NEK1: variants seen among roughly 807,000 people sequenced by gnomAD.
NEK1 encodes serine/threonine-protein kinase Nek1.
A neutral mutation model predicts 182.1 loss-of-function variants in NEK1; 137 were observed. The observed-to-expected ratio is 0.75, with a 90% CI of 0.65 to 0.87. The LOEUF (loss-of-function observed/expected upper bound fraction) is 0.87. Ranked by LOEUF, NEK1 falls within the 40% of genes least tolerant of loss-of-function variation. The pLI, the probability that NEK1 is intolerant of heterozygous loss-of-function variation, is 0.00. For synonymous variants in NEK1, 513 were observed against 492.2 expected, an observed-to-expected ratio of 1.04 and a Z score of -0.56; for missense variants, 1,391 against 1,494.4, an observed-to-expected ratio of 0.93 and a Z score of 1.14.
chr4:169,574,218 TATC>T (rs1362917135), intron 12 of NEK1, among the ~76,000 whole-genome samples: 1 of 152,200 alleles, frequency 6.6e-6, no homozygotes, highest in East Asian at 1.9e-4. Flanking sequence ...CTATAGGAAG[TATC>T]ATCTTTTTTT....
Position 169,426,272 on chromosome 4 carries a change from C to G in NEK1, c.2886-38G>C, listed in dbSNP as rs765097134. On this transcript the variant is annotated intron_variant, in intron 29 of 35. Coordinates refer to ENST00000507142, the MANE Select transcript of NEK1 (RefSeq NM_001199397.3). Reference sequence around the variant, plus strand: ...GGTACACCAATTAAAAACACACACACTTAGTTTACCAGAAATAAAAGTGCT... The same window carrying G: ...GGTACACCAATTAAAAACACACACAGTTAGTTTACCAGAAATAAAAGTGCT... 1.6e-5 allele frequency: 24 copies of G among 1,531,020 alleles called. No individual in the cohort carries two copies. The South Asian group carries it at 2.8e-4, about 18-fold the overall frequency. The allele number at this position is 1,531,020 out of a possible 1,614,324, so 94.8% of individuals were successfully genotyped here.
intron 5 of NEK1, among the ~76,000 whole-genome samples, chr4:169,597,795 G>A (rs543795333): frequency 1.3e-5 from 2 of 152,132 alleles, no homozygotes; most frequent in East Asian, 1.9e-4. Context: ...TTAGCCAGGC[G>A]TGGTGGCAGG....
At chr4:169,574,611 G>GAAAAAA (rs1235699069) in intron 12 of NEK1, among the ~76,000 whole-genome samples, 2 of 69,108 alleles carry the variant, frequency 2.9e-5, no homozygotes, top group Non-Finnish European at 3.2e-5. Context: ...CACCTCAAAA[G>GAAAAAA]AAAAAAAAAA....
At chr4:169,605,988 GTTTC>G (rs1480045427) in intron 2 of NEK1, among the ~76,000 whole-genome samples, 4 of 152,028 alleles carry the variant, frequency 2.6e-5, no homozygotes, top group Non-Finnish European at 4.4e-5. Flanking sequence ...GTGGACTTCA[GTTTC>G]TTTATCTAGA....
At position 169,612,441 on chromosome 4, in the gene NEK1, G is replaced by C. The variant is rs1205767586; in HGVS notation, c.-392C>G. 2.0e-5 allele frequency: 3 copies of C among 152,270 alleles called. No homozygotes were observed. Among genetic ancestry groups the C allele is most frequent in the Non-Finnish European group, 4.4e-5 (3 of 68,204 alleles). The allele number at this position is 152,270 out of a possible 1,614,324, so 9.4% of individuals were successfully genotyped here. ...GGCGGGGTGGGGACGGGCGGCGTTC[G>C]GGACTGGGAAGCTACTTGACTGCCA... On this transcript the variant is annotated 5_prime_UTR_variant, in exon 1 of 36. Transcript: ENST00000507142.
intron 26 of NEK1, among the ~76,000 whole-genome samples, chr4:169,469,496 A>T (rs1745536049): frequency 6.6e-6 from 1 of 152,114 alleles, no homozygotes; most frequent in African/African-American, 2.4e-5. Flanking sequence ...GTTTGTTATG[A>T]TTTCCATTCT....
chr4:169,458,208 A>G (rs1743281074), intron 27 of NEK1, among the ~76,000 whole-genome samples: 1 of 152,174 alleles, frequency 6.6e-6, no homozygotes, highest in Admixed American at 6.5e-5. Context: ...GAACAGGAAA[A>G]AAGTTGAATG....
intron 10 of NEK1, among the ~76,000 whole-genome samples, chr4:169,582,600 T>C (rs1388080996): frequency 6.6e-6 from 1 of 152,190 alleles, no homozygotes. Flanking sequence ...ATCTCCATCT[T>C]GTCCCCAAAT....
Position 169,400,300 on chromosome 4 carries a change from T to C in NEK1, c.3772A>G (p.Ile1258Val), listed in dbSNP as rs1263099891. 9 of 1,550,234 alleles carry C rather than the reference T, an allele frequency of 5.8e-6. No individual in the cohort carries two copies. In the Admixed American group the frequency reaches 1.7e-4, roughly 30 times the overall value. ...IEICSKIVQNILGNEHQHLYA... is the reference protein window; with the variant it reads ...IEICSKIVQNVLGNEHQHLYA... ...AGATGCTGATGTTCATTTCCCAAAATATTTTGAACTATTTTTGAACAAATT... is the reference window on the plus strand; with the variant it reads ...AGATGCTGATGTTCATTTCCCAAAACATTTTGAACTATTTTTGAACAAATT... The change falls in exon 35 of 36, where the codon ATT (isoleucine) becomes GTT (valine). Residue 1258 changes from isoleucine to valine, a missense_variant. By Grantham distance (29) the Ile-to-Val change is conservative. This residue lies in a region of NEK1 where 1,216 missense variants were observed against 1,277.6 expected (regional missense o/e 0.95). Coordinates refer to ENST00000507142, the MANE Select transcript of NEK1 (RefSeq NM_001199397.3).
At chr4:169,590,682 A>G in intron 6 of NEK1, 44 bp downstream of exon 6, 1 of 1,410,654 alleles carries the variant, frequency 7.1e-7, no homozygotes, top group Non-Finnish European at 9.8e-7. Flanking sequence ...TGAAGGTTCC[A>G]TGTCTTTATC....
intron 23 of NEK1, among the ~76,000 whole-genome samples, chr4:169,501,773 C>T (rs1752462578): frequency 2.0e-5 from 3 of 152,050 alleles, no homozygotes; most frequent in Admixed American, 1.3e-4. Context: ...AAGTTTACAG[C>T]ATTAAATGCT....
chr4:169,609,760 T>C (rs1474365404), intron 2 of NEK1, among the ~76,000 whole-genome samples: 4 of 152,166 alleles, frequency 2.6e-5, no homozygotes, highest in Non-Finnish European at 5.9e-5. Context: ...TTTTGAACCA[T>C]ACAAATGTAT....
intron 12 of NEK1, among the ~76,000 whole-genome samples, chr4:169,572,059 T>C (rs1764956433): frequency 1.3e-5 from 2 of 152,020 alleles, no homozygotes. Flanking sequence ...TGGCTTTTAC[T>C]GAGTGGGATG....
At chr4:169,600,156 T>A (rs1240306167) in intron 4 of NEK1, among the ~76,000 whole-genome samples, 1 of 152,188 alleles carries the variant, frequency 6.6e-6, no homozygotes, top group Non-Finnish European at 1.5e-5. Flanking sequence ...ACAGTTTTCC[T>A]AGTTCTCACT....
chr4:169,410,546 TA>T (rs1733498555), intron 31 of NEK1, among the ~76,000 whole-genome samples: 1 of 152,200 alleles, frequency 6.6e-6, no homozygotes, highest in African/African-American at 2.4e-5. Context: ...TTACTGCAAT[TA>T]AATGCTGCTG....
At chr4:169,509,457 C>G (rs554206326) in intron 19 of NEK1, among the ~76,000 whole-genome samples, 6 of 152,102 alleles carry the variant, frequency 3.9e-5, no homozygotes, top group African/African-American at 1.2e-4. Context: ...TTAAAAAAAA[C>G]TCTTTAGTCC....
At chr4:169,396,627 G>A (rs1392722898) in intron 35 of NEK1, among the ~76,000 whole-genome samples, 7 of 152,108 alleles carry the variant, frequency 4.6e-5, no homozygotes, top group Admixed American at 4.6e-4. Flanking sequence ...TGAAGATATT[G>A]ACGCTTACCA....
rs1411625972 is a variant in NEK1, at chr4:169,612,021, T to C, written c.-50A>G. 1 of 152,254 alleles carries C rather than the reference T, an allele frequency of 6.6e-6. No homozygotes were observed. Among genetic ancestry groups the C allele is most frequent in the Non-Finnish European group, 1.5e-5 (1 of 68,064 alleles). 9.4% of individuals were successfully genotyped at this position (152,254 alleles called of 1,614,324 possible). ...TTCCTTCCCCCAAGTGGAACTCACC[T>C]CAGTGACACAGGACGTTAGTAGGAA... On this transcript the variant is annotated splice_region_variant and 5_prime_UTR_variant, in exon 2 of 36. Transcript: ENST00000507142.
At chr4:169,546,510 G>C (rs1760484514) in intron 18 of NEK1, among the ~76,000 whole-genome samples, 1 of 152,170 alleles carries the variant, frequency 6.6e-6, no homozygotes, top group Non-Finnish European at 1.5e-5. Context: ...GCTCAGTCCA[G>C]AGCTGAGTTC....
Sources: gnomAD v4.1 joint callset for allele counts (sites outside exome capture counted in the v4.1 genomes callset) on GRCh38, gnomAD v4.1.1 for gene constraint, gnomAD v4.1.1 regional missense constraint, MANE v1.5 for transcripts, NCBI Gene and HGNC (gene_info 2026-07-23, HGNC 2026-07-21) for gene names.